ZNF385B: variants seen among roughly 807,000 people sequenced by gnomAD.
The protein encoded by ZNF385B is zinc finger protein 533.
ZNF385B carries 23 observed loss-of-function variants against 39.2 expected under a neutral mutation model. The ratio of observed to expected loss-of-function variants is 0.59; its 90% confidence interval spans 0.42 to 0.83. The LOEUF is 0.83. Among genes scored for constraint, ZNF385B ranks in the 40% least tolerant of loss-of-function variants. The pLI, the probability that ZNF385B is intolerant of heterozygous loss-of-function variation, is 0.00. For missense variants in ZNF385B, 552 were observed against 598.9 expected (o/e 0.92, Z 0.82); for synonymous variants, 205 against 222.6 (o/e 0.92, Z 0.70).
intron 3 of ZNF385B, among the ~76,000 whole-genome samples, chr2:179,748,502 A>G (rs534522367): frequency 1.3e-5 from 2 of 152,260 alleles, no homozygotes; most frequent in Non-Finnish European, 2.9e-5. Flanking sequence ...TAAACAGTGC[A>G]TGTGACACTG....
intron 3 of ZNF385B, among the ~76,000 whole-genome samples, chr2:179,750,207 C>G (rs991955311): frequency 6.6e-6 from 1 of 152,058 alleles, no homozygotes; most frequent in African/African-American, 2.4e-5. Flanking sequence ...ATTTGTGCAG[C>G]AGGAGGTGGT....
chr2:179,474,703 G>C (rs1472163423), intron 6 of ZNF385B, among the ~76,000 whole-genome samples: 1 of 152,002 alleles, frequency 6.6e-6, no homozygotes, highest in Admixed American at 6.6e-5. Flanking sequence ...CTAGAATATA[G>C]GATATTAGGT....
chr2:179,594,148 G>A (rs1255597244), intron 3 of ZNF385B, among the ~76,000 whole-genome samples: 3 of 152,134 alleles, frequency 2.0e-5, no homozygotes, highest in Non-Finnish European at 4.4e-5. Flanking sequence ...TTTTCAGCTT[G>A]TTTTTGCTTT....
At chr2:179,651,685 T>C (rs945989304) in intron 3 of ZNF385B, among the ~76,000 whole-genome samples, 3 of 152,274 alleles carry the variant, frequency 2.0e-5, no homozygotes, top group Admixed American at 2.0e-4. Flanking sequence ...CTGATTTTTA[T>C]GAGAACCTCC....
chr2:179,841,436 C>T (rs1708529671), intron 1 of ZNF385B, among the ~76,000 whole-genome samples: 1 of 152,196 alleles, frequency 6.6e-6, no homozygotes, highest in Non-Finnish European at 1.5e-5. Flanking sequence ...CAAAAGGAAC[C>T]TGTGCCTACC....
chr2:179,444,511 A>G (rs1296470268), intron 9 of ZNF385B, among the ~76,000 whole-genome samples: 1 of 152,224 alleles, frequency 6.6e-6, no homozygotes, highest in African/African-American at 2.4e-5. Flanking sequence ...AGGATATTAA[A>G]TTAAATGGAT....
intron 3 of ZNF385B, among the ~76,000 whole-genome samples, chr2:179,584,633 GA>G (rs1686896412): frequency 1.3e-5 from 2 of 152,310 alleles, no homozygotes; most frequent in South Asian, 4.1e-4. Context: ...AAGTATGCAT[GA>G]GGTAAGTAGG....
chr2:179,579,839 G>T (rs1686276856), intron 3 of ZNF385B, among the ~76,000 whole-genome samples: 1 of 152,064 alleles, frequency 6.6e-6, no homozygotes, highest in Admixed American at 6.5e-5. Flanking sequence ...ATTTTCATTA[G>T]AACACTATAA....
intron 3 of ZNF385B, among the ~76,000 whole-genome samples, chr2:179,675,226 T>C (rs929252024): frequency 1.3e-5 from 2 of 152,032 alleles, no homozygotes; most frequent in African/African-American, 4.8e-5. Flanking sequence ...GGAAGAAAAA[T>C]ATATTTACTA....
chr2:179,674,013 AT>A (rs1253359713), intron 3 of ZNF385B, among the ~76,000 whole-genome samples: 1 of 152,220 alleles, frequency 6.6e-6, no homozygotes, highest in Non-Finnish European at 1.5e-5. Flanking sequence ...CACAGTTACT[AT>A]ATATGTTATT....
At chr2:179,761,761 C>CTTTTTTTTTTTTTTTTTTTTT (rs34325728) in intron 3 of ZNF385B, among the ~76,000 whole-genome samples, 2 of 110,288 alleles carry the variant, frequency 1.8e-5, no homozygotes, top group Non-Finnish European at 3.6e-5. Flanking sequence ...TTTTTCTTTT[C>CTTTTTTTTTTTTTTTTTTTTT]TTTTTTTTTT....
chr2:179,784,812 G>A (rs1050505457), intron 1 of ZNF385B, among the ~76,000 whole-genome samples: 1 of 152,090 alleles, frequency 6.6e-6, no homozygotes, highest in Admixed American at 6.6e-5. Flanking sequence ...AAGATGTGCA[G>A]CAACCAAAAC....
chr2:179,480,385 C>T (rs1418651480), intron 6 of ZNF385B, among the ~76,000 whole-genome samples: 1 of 152,166 alleles, frequency 6.6e-6, no homozygotes, highest in Non-Finnish European at 1.5e-5. Flanking sequence ...TTACATTTTA[C>T]CTAGACCTTT....
At chr2:179,631,259 G>T (rs1691183628) in intron 3 of ZNF385B, among the ~76,000 whole-genome samples, 1 of 152,146 alleles carries the variant, frequency 6.6e-6, no homozygotes, top group Admixed American at 6.5e-5. Flanking sequence ...AGTGTTAAGG[G>T]CAGCCAGAGA....
chr2:179,446,879 T>TA lies in ZNF385B; in HGVS notation c.716-110dup, dbSNP rs1574165219. ...AAATTTGATTCTTATGTGAAGTTTTTATTGCAGCATAGATTTCAGTTTATA... is the reference window on the plus strand; with the variant it reads ...AAATTTGATTCTTATGTGAAGTTTTTAATTGCAGCATAGATTTCAGTTTATA... On this transcript the variant is annotated intron_variant, in intron 6 of 9. Coordinates refer to ENST00000410066, the MANE Select transcript of ZNF385B (RefSeq NM_152520.6). The TA allele has an allele frequency of 3.6e-6, 5 of 1,370,098 alleles. No individual in the cohort carries two copies. The East Asian group carries it at 1.2e-4, about 32-fold the overall frequency. 84.9% of individuals were successfully genotyped at this position (1,370,098 alleles called of 1,614,324 possible).
At chr2:179,459,439 C>T (rs35057482) in intron 6 of ZNF385B, among the ~76,000 whole-genome samples, 10,171 of 152,066 alleles carry the variant, frequency 0.067, 428 homozygotes, top group East Asian at 0.13. Context: ...AGAAATCTGT[C>T]CTAAGGAAAT....
At chr2:179,596,526 C>T (rs1321124285) in intron 3 of ZNF385B, among the ~76,000 whole-genome samples, 3 of 152,116 alleles carry the variant, frequency 2.0e-5, no homozygotes, top group Non-Finnish European at 2.9e-5. Flanking sequence ...TTGAGACTTC[C>T]TCTATCGTTG....
chr2:179,481,848 G>A (rs192939866), intron 6 of ZNF385B, among the ~76,000 whole-genome samples: 11 of 152,220 alleles, frequency 7.2e-5, no homozygotes, highest in South Asian at 2.1e-4. Flanking sequence ...GCAAATAACT[G>A]CCACATTGTG....
chr2:179,574,375 T>G (rs1437075395), intron 3 of ZNF385B, among the ~76,000 whole-genome samples: 1 of 152,172 alleles, frequency 6.6e-6, no homozygotes, highest in Non-Finnish European at 1.5e-5. Context: ...CTCAATATTT[T>G]TAGGAGCCAG....
Sources: gnomAD v4.1 joint callset for allele counts (sites outside exome capture counted in the v4.1 genomes callset) on GRCh38, gnomAD v4.1.1 for gene constraint, MANE v1.5 for transcripts, NCBI Gene and HGNC (gene_info 2026-07-23, HGNC 2026-07-21) for gene names.